The following GRIN2A variants were observed in gnomAD, a reference collection of about 807,000 sequenced individuals.
GRIN2A encodes glutamate receptor ionotropic, NMDA 2A.
In GRIN2A, 22 loss-of-function variants were observed where a neutral mutation model predicts 113.4. That is an observed-to-expected ratio of 0.19 (90% CI 0.14 to 0.28). GRIN2A has a LOEUF of 0.28. Among genes scored for constraint, GRIN2A ranks in the 10% least tolerant of loss-of-function variants. The pLI is 1.00. For synonymous variants in GRIN2A, 827 were observed against 738.4 expected, an observed-to-expected ratio of 1.12 and a Z score of -1.94; for missense variants, 1,502 against 1,887.0, an observed-to-expected ratio of 0.80 and a Z score of 3.78.
At chr16:9,969,161 C>T (rs2045619897) in intron 2 of GRIN2A, among the ~76,000 whole-genome samples, 1 of 152,112 alleles carries the variant, frequency 6.6e-6, no homozygotes. Context: ...CATCCTGTTG[C>T]ACAAAACAGG....
intron 3 of GRIN2A, among the ~76,000 whole-genome samples, chr16:9,914,780 A>T (rs1360612618): frequency 6.6e-6 from 1 of 151,666 alleles, no homozygotes; most frequent in Admixed American, 6.6e-5. Flanking sequence ...CCACAAAGAG[A>T]CTCAACTGAA....
chr16:9,786,298 T>A lies in GRIN2A; in HGVS notation c.2356+11979A>T, dbSNP rs546372879. Among the ~76,000 whole-genome samples the A allele has an allele frequency of 2.6e-5, 4 of 152,286 alleles. No homozygotes were observed. The East Asian group carries it at 7.7e-4, about 29-fold the overall frequency. The stretch of plus-strand genomic sequence containing the variant: ...CTCTTAATTACATTCTGTCCTTGTT[T>A]CATTCCTTCTCATCTCCTGCTTCTG... On this transcript the variant is annotated intron_variant, in intron 11 of 12. Coordinates refer to ENST00000330684, the MANE Select transcript of GRIN2A (RefSeq NM_001134407.3).
chr16:10,126,817 C>G (rs1042269954), intron 2 of GRIN2A, among the ~76,000 whole-genome samples: 4 of 152,152 alleles, frequency 2.6e-5, no homozygotes, highest in Middle Eastern at 3.2e-3. Flanking sequence ...GTCACCTGCT[C>G]ACATGTCCAA....
chr16:9,818,140 G>T (rs2042218737), intron 10 of GRIN2A, among the ~76,000 whole-genome samples: 1 of 151,844 alleles, frequency 6.6e-6, no homozygotes, highest in Non-Finnish European at 1.5e-5. Flanking sequence ...GATGTGAAAA[G>T]GAAGGAAAAG....
At chr16:10,128,418 T>C (rs1311597347) in intron 2 of GRIN2A, among the ~76,000 whole-genome samples, 2 of 152,172 alleles carry the variant, frequency 1.3e-5, no homozygotes, top group African/African-American at 4.8e-5. Context: ...GACATTCTGA[T>C]GGAAGGAGCT....
chr16:9,888,561 C>T (rs2043631072), intron 4 of GRIN2A, among the ~76,000 whole-genome samples: 2 of 151,538 alleles, frequency 1.3e-5, no homozygotes, highest in South Asian at 4.2e-4. Flanking sequence ...AATCATTGAT[C>T]AAAAATCATT....
At chr16:9,850,931 C>T (rs2042872538) in intron 4 of GRIN2A, among the ~76,000 whole-genome samples, 2 of 152,152 alleles carry the variant, frequency 1.3e-5, no homozygotes, top group African/African-American at 2.4e-5. Context: ...CTCCCTTCTC[C>T]TCCTGCTCCC....
intron 4 of GRIN2A, among the ~76,000 whole-genome samples, chr16:9,862,350 C>G (rs1430770945): frequency 6.6e-6 from 1 of 152,138 alleles, no homozygotes; most frequent in Non-Finnish European, 1.5e-5. Flanking sequence ...TAACTGCTCT[C>G]AAGATAATCT....
chr16:10,019,116 G>T (rs1048645223), intron 2 of GRIN2A, among the ~76,000 whole-genome samples: 1 of 73,054 alleles, frequency 1.4e-5, no homozygotes, highest in Non-Finnish European at 3.4e-5. Context: ...CAAATTGCAG[G>T]ATCTGTGCCT....
intron 2 of GRIN2A, among the ~76,000 whole-genome samples, chr16:10,095,551 T>C (rs2048271429): frequency 6.6e-6 from 1 of 152,198 alleles, no homozygotes; most frequent in African/African-American, 2.4e-5. Flanking sequence ...ATGCTAAAGC[T>C]GGTGAGTAAA....
chr16:9,813,736 T>C (rs1234189933), intron 10 of GRIN2A, among the ~76,000 whole-genome samples: 1 of 152,058 alleles, frequency 6.6e-6, no homozygotes, highest in Non-Finnish European at 1.5e-5. Flanking sequence ...CTTGAGTTTT[T>C]ATTAAGGAAA....
intron 11 of GRIN2A, among the ~76,000 whole-genome samples, chr16:9,775,643 G>C (rs1901548958): frequency 6.6e-6 from 1 of 152,178 alleles, no homozygotes; most frequent in Admixed American, 6.5e-5. Context: ...CAAAGGAGGA[G>C]CCCGAAGAGT....
At chr16:9,863,482 T>C (rs2043107614) in intron 4 of GRIN2A, among the ~76,000 whole-genome samples, 1 of 152,174 alleles carries the variant, frequency 6.6e-6, no homozygotes, top group African/African-American at 2.4e-5. Flanking sequence ...CCACAGAAAA[T>C]ACCTCTAACA....
At position 9,763,220 on chromosome 16, in the gene GRIN2A, G is replaced by C. The variant is rs59975221; in HGVS notation, c.4324C>G (p.Pro1442Ala). 1 of 1,613,900 alleles carries C rather than the reference G, an allele frequency of 6.2e-7. No individual in the cohort carries two copies. Among genetic ancestry groups the C allele is most frequent in the East Asian group, 2.2e-5 (1 of 44,862 alleles). The change falls in exon 13 of 13, where the codon CCC (proline) becomes GCC (alanine). Residue 1442 changes from proline (P) to alanine (A), a missense_variant. Pro to Ala is a conservative substitution (Grantham distance 27, BLOSUM62 -1). Transcript: ENST00000330684. ...AANKNNMYST[P>A]RVLNSCSNRR... ...TTGCTGCAGGAATTTAAAACCCTGG[G>C]GGTAGAGTACATATTATTCTTATTT...
chr16:9,812,074 G>A (rs574283312), intron 10 of GRIN2A, among the ~76,000 whole-genome samples: 1 of 152,292 alleles, frequency 6.6e-6, no homozygotes, highest in African/African-American at 2.4e-5. Context: ...TGGGCCATTA[G>A]AAACGGCCTT....
intron 3 of GRIN2A, among the ~76,000 whole-genome samples, chr16:9,929,314 TC>T (rs2044536556): frequency 6.6e-6 from 1 of 152,242 alleles, no homozygotes; most frequent in Admixed American, 6.5e-5. Flanking sequence ...ATTTAACATG[TC>T]TAAAATTGGA....
chr16:9,831,438 G>C (rs1177094569), intron 8 of GRIN2A, among the ~76,000 whole-genome samples: 1 of 151,220 alleles, frequency 6.6e-6, no homozygotes, highest in African/African-American at 2.4e-5. Flanking sequence ...TATCTGGATA[G>C]AGTAGCCCCA....
intron 4 of GRIN2A, among the ~76,000 whole-genome samples, chr16:9,867,780 T>C (rs1231268584): frequency 1.3e-5 from 2 of 152,112 alleles, no homozygotes; most frequent in Non-Finnish European, 2.9e-5. Context: ...TCTGAACACA[T>C]CTGACTTGTC....
At chr16:10,175,256 A>G (rs894302226) in intron 2 of GRIN2A, among the ~76,000 whole-genome samples, 1 of 152,248 alleles carries the variant, frequency 6.6e-6, no homozygotes, top group African/African-American at 2.4e-5. Flanking sequence ...GCAACGCATG[A>G]CTATACATAT....
Sources: allele counts gnomAD v4.1 joint callset (sites outside exome capture counted in the v4.1 genomes callset), GRCh38; gene constraint gnomAD v4.1.1; transcripts MANE v1.5; gene names NCBI Gene and HGNC (gene_info 2026-07-23, HGNC 2026-07-21).